The following PACSIN1 variants were observed in gnomAD, a reference collection of about 807,000 sequenced individuals.
PACSIN1 encodes the protein protein kinase C and casein kinase substrate in neurons protein 1.
Under a neutral mutation model 59.5 loss-of-function variants are expected in PACSIN1, and 15 were observed. The ratio of observed to expected loss-of-function variants is 0.25; its 90% CI spans 0.17 to 0.39. PACSIN1 has a LOEUF of 0.39. Ranked by LOEUF, PACSIN1 falls within the 10% of genes least tolerant of loss-of-function variation. PACSIN1 has a pLI of 1.00. For synonymous variants in PACSIN1, 210 were observed against 220.6 expected (o/e 0.95, Z 0.42); for missense variants, 420 against 580.2 (o/e 0.72, Z 2.84).
chr6:34,472,145 G>T (rs1337240292), intron 1 of PACSIN1, among the ~76,000 whole-genome samples: 2 of 151,928 alleles, frequency 1.3e-5, no homozygotes, highest in Non-Finnish European at 2.9e-5. Flanking sequence ...GGTGAAGGAC[G>T]CCTGTAGTCC....
At chr6:34,490,862 T>C (rs1349057250) in intron 1 of PACSIN1, among the ~76,000 whole-genome samples, 1 of 152,200 alleles carries the variant, frequency 6.6e-6, no homozygotes, top group Non-Finnish European at 1.5e-5. Flanking sequence ...GGCTTTCGTT[T>C]TCTCCAAGCA....
chr6:34,516,826 A>G lies in PACSIN1; in HGVS notation c.-63-9417A>G, dbSNP rs1347702844. On this transcript the variant is annotated intron_variant, in intron 1 of 9. Transcript: ENST00000244458. This position sits in a 1 kb window ranked among gnomAD's most constrained non-coding sequence, Gnocchi z 5.4. ...CCACAGCCCAGGGCACCTGCCTGGA[A>G]GCCGGATTGAGACTTGACCTCCCCT... 1.3e-5 allele frequency among the ~76,000 whole-genome samples: 2 copies of G among 152,158 alleles called. No homozygotes were observed. Among genetic ancestry groups the G allele is most frequent in the African/African-American group, 4.8e-5 (2 of 41,448 alleles).
In PACSIN1 at chr6:34,488,084, A is replaced by G. The variant is rs1561958693; in HGVS notation, c.-64+21814A>G. 6.6e-6 allele frequency among the ~76,000 whole-genome samples: 1 copy of G among 151,858 alleles called. No individual in the cohort carries two copies. Among genetic ancestry groups the G allele is most frequent in the East Asian group, 1.9e-4 (1 of 5,176 alleles). ...ACAGACACTTGCACTCTCCCTCTTC[A>G]ATGACCCTGACCTTGGCCAGCACCT... On this transcript the variant is annotated intron_variant, in intron 1 of 9. Coordinates refer to ENST00000244458, the MANE Select transcript of PACSIN1 (RefSeq NM_020804.5). The surrounding 1 kb of genome is among the most constrained non-coding windows in gnomAD (Gnocchi z 4.7).
chr6:34,532,730 C>T lies in PACSIN1; in HGVS notation c.*200C>T, dbSNP rs959809164. The T allele has an allele frequency of 4.9e-5, 28 of 568,024 alleles. No homozygotes were observed. Among genetic ancestry groups the T allele is most frequent in the Non-Finnish European group, 8.2e-5 (26 of 317,278 alleles). 35.2% of individuals were successfully genotyped at this position (568,024 alleles called of 1,614,324 possible). ...CCACCTGGAGGCTGGGGTGCTGGGG[C>T]TTGGGGTGGCCCCAGGGTAGGTAAC... is the stretch of plus-strand genomic sequence containing the variant. On this transcript the variant is annotated 3_prime_UTR_variant, in exon 10 of 10. Transcript: ENST00000244458. This position sits in a 1 kb window ranked among gnomAD's most constrained non-coding sequence, Gnocchi z 5.2.
At chr6:34,508,428 T>A (rs1382785471) in intron 1 of PACSIN1, among the ~76,000 whole-genome samples, 1 of 152,102 alleles carries the variant, frequency 6.6e-6, no homozygotes, top group Non-Finnish European at 1.5e-5. Flanking sequence ...AAATTTTCTT[T>A]ATTTTTATAT....
chr6:34,470,808 AAAC>A (rs1221719856), intron 1 of PACSIN1, among the ~76,000 whole-genome samples: 2 of 152,194 alleles, frequency 1.3e-5, no homozygotes, highest in African/African-American at 4.8e-5. Flanking sequence ...AATTTCAGAA[AAAC>A]AACAAATGTG....
chr6:34,485,974 G>A (rs1766787390), intron 1 of PACSIN1, among the ~76,000 whole-genome samples: 1 of 152,162 alleles, frequency 6.6e-6, no homozygotes, highest in Admixed American at 6.5e-5. Context: ...GGAGACACAT[G>A]GGCCCGCAAC....
Position 34,532,658 on chromosome 6 carries a change from TCAAAA to T in PACSIN1, c.*131_*135del. On this transcript the variant is annotated 3_prime_UTR_variant, in exon 10 of 10. Coordinates refer to ENST00000244458, the MANE Select transcript of PACSIN1 (RefSeq NM_020804.5). The surrounding 1 kb of genome is among the most constrained non-coding windows in gnomAD (Gnocchi z 5.2). ...GATCAAGCTTTTATTTTTTTAAAAG[TCAAAA>T]CAGAACAAAACAAAGTATGCAGAGA... 4.6e-6 allele frequency: 3 copies of T among 645,274 alleles called. No individual in the cohort carries two copies. Among genetic ancestry groups the T allele is most frequent in the East Asian group, 5.6e-5 (2 of 35,576 alleles). 40.0% of individuals were successfully genotyped at this position (645,274 alleles called of 1,614,324 possible). A position where few individuals can be genotyped will look rare whatever the true frequency, so the allele number is the denominator to read the frequency against.
At position 34,521,930 on chromosome 6, in the gene PACSIN1, C is replaced by T. The variant is rs138516773; in HGVS notation, c.-63-4313C>T. Among the ~76,000 whole-genome samples, 841 of 152,326 alleles carry T rather than the reference C, an allele frequency of 5.5e-3. 7 individuals carry two copies. Among genetic ancestry groups the T allele is most frequent in the African/African-American group, 0.019 (797 of 41,566 alleles). ...CAGGGTTTGAATCCAGATTATTTGG[C>T]TCCAGAGTCTGGGATGTAATCCTAC... On this transcript the variant is annotated intron_variant, in intron 1 of 9. Coordinates refer to ENST00000244458, the MANE Select transcript of PACSIN1 (RefSeq NM_020804.5). The surrounding 1 kb of genome is among the most constrained non-coding windows in gnomAD (Gnocchi z 4.3).
chr6:34,473,668 GCCACTCAACC>G (rs1331692445), intron 1 of PACSIN1, among the ~76,000 whole-genome samples: 1 of 152,110 alleles, frequency 6.6e-6, no homozygotes, highest in African/African-American at 2.4e-5. Flanking sequence ...GGGGCCTAGG[GCCACTCAACC>G]CCCTCCCTTG....
At chr6:34,483,938 C>T (rs985861085) in intron 1 of PACSIN1, among the ~76,000 whole-genome samples, 6 of 152,196 alleles carry the variant, frequency 3.9e-5, no homozygotes, top group African/African-American at 9.6e-5. Context: ...TGTTAGCCAC[C>T]GCGCTCAGCC....
At chr6:34,511,282 G>A (rs890468739) in intron 1 of PACSIN1, among the ~76,000 whole-genome samples, 1 of 152,174 alleles carries the variant, frequency 6.6e-6, no homozygotes, top group Non-Finnish European at 1.5e-5. Flanking sequence ...TAACCTAGGA[G>A]TCTCACACTC....
chr6:34,517,071 TCCC>T (rs1297234216), intron 1 of PACSIN1, among the ~76,000 whole-genome samples: 1 of 151,890 alleles, frequency 6.6e-6, no homozygotes, highest in Non-Finnish European at 1.5e-5. Context: ...TGAGCTCCCA[TCCC>T]CCCAACGCCG....
At chr6:34,469,679 T>C (rs1485297031) in intron 1 of PACSIN1, among the ~76,000 whole-genome samples, 1 of 152,240 alleles carries the variant, frequency 6.6e-6, no homozygotes, top group Non-Finnish European at 1.5e-5. Context: ...TGTGCCTTCC[T>C]GCAGGTGGCT....
Position 34,521,173 on chromosome 6 carries a change from T to C in PACSIN1, c.-63-5070T>C, listed in dbSNP as rs185233924. On this transcript the variant is annotated intron_variant, in intron 1 of 9. Coordinates refer to ENST00000244458, the MANE Select transcript of PACSIN1 (RefSeq NM_020804.5). This position sits in a 1 kb window ranked among gnomAD's most constrained non-coding sequence, Gnocchi z 4.3. ...GTGGGAAGGAGGACACGCAACGTGA[T>C]GAATGCCGTGCTGTGGATGCCGTGT... Among the ~76,000 whole-genome samples, 21 of 152,258 alleles carry C rather than the reference T, an allele frequency of 1.4e-4. 1 individual carries two copies. The highest frequency in any genetic ancestry group is 1.4e-3 in the East Asian group (7 of 5,176).
At chr6:34,483,525 C>T (rs1766750852) in intron 1 of PACSIN1, among the ~76,000 whole-genome samples, 1 of 152,098 alleles carries the variant, frequency 6.6e-6, no homozygotes, top group Non-Finnish European at 1.5e-5. Flanking sequence ...TAGGGGTCCT[C>T]ACCCCAGCTG....
chr6:34,493,358 T>C (rs1018360996), intron 1 of PACSIN1, among the ~76,000 whole-genome samples: 4 of 152,244 alleles, frequency 2.6e-5, no homozygotes, highest in Non-Finnish European at 5.9e-5. Context: ...ACTATGAATA[T>C]GGTTGCTGCA....
Position 34,488,959 on chromosome 6 carries a change from T to A in PACSIN1, c.-64+22689T>A, listed in dbSNP as rs1766831583. Among the ~76,000 whole-genome samples, 1 of 152,082 alleles carries A rather than the reference T, an allele frequency of 6.6e-6. No individual in the cohort carries two copies. The highest frequency in any genetic ancestry group is 1.5e-5 in the Non-Finnish European group (1 of 68,010). On this transcript the variant is annotated intron_variant, in intron 1 of 9. Coordinates refer to ENST00000244458, the MANE Select transcript of PACSIN1 (RefSeq NM_020804.5). The surrounding 1 kb of genome is among the most constrained non-coding windows in gnomAD (Gnocchi z 4.7). ...ACTTTGGGAGGCCGAGGCAGGTGGA[T>A]CACTTGAGCCCAGAAGTTCGAGACC...
intron 1 of PACSIN1, among the ~76,000 whole-genome samples, chr6:34,522,359 G>C (rs73746672): frequency 6.6e-6 from 1 of 152,244 alleles, no homozygotes; most frequent in East Asian, 1.9e-4. Flanking sequence ...CCAGCACACA[G>C]TAGGCACTCG....
Sources: allele counts gnomAD v4.1 joint callset (sites outside exome capture counted in the v4.1 genomes callset), GRCh38; gene constraint gnomAD v4.1.1; non-coding constraint Gnocchi (gnomAD v3.1); transcripts MANE v1.5; gene names NCBI Gene and HGNC (gene_info 2026-07-23, HGNC 2026-07-21).